Variants in SEMA4B observed in about 807,000 individuals in gnomAD.
SEMA4B encodes semaphorin-4B.
SEMA4B carries 55 observed loss-of-function variants against 88.1 expected under a neutral mutation model. The ratio of observed to expected loss-of-function variants is 0.62; its 90% CI spans 0.50 to 0.78. The LOEUF (loss-of-function observed/expected upper bound fraction) is 0.78, where lower values mean the gene tolerates loss of function less well. Ranked by LOEUF, SEMA4B falls within the 30% of genes least tolerant of loss-of-function variation. The pLI, the probability that SEMA4B is intolerant of heterozygous loss-of-function variation, is 0.00. For synonymous variants in SEMA4B, 525 were observed against 473.6 expected, an observed-to-expected ratio of 1.11 and a Z score of -1.41; for missense variants, 1,062 against 1,111.9, an observed-to-expected ratio of 0.96 and a Z score of 0.64.
chr15:90,196,733 C>T (rs960678716), upstream of SEMA4B, among the ~76,000 whole-genome samples: 16 of 152,044 alleles, frequency 1.1e-4, no homozygotes, highest in African/African-American at 3.4e-4. Flanking sequence ...GTGATCCGCC[C>T]GCCTCAGCCT....
Position 90,228,503 on chromosome 15 carries a change from G to T in SEMA4B, c.2374G>T (p.Asp792Tyr). The T allele has an allele frequency of 6.2e-7, 1 of 1,611,508 alleles. No homozygotes were observed. The highest frequency in any genetic ancestry group is 8.5e-7 in the Non-Finnish European group (1 of 1,179,272). Residue 792 changes from aspartate (D) to tyrosine (Y), a missense_variant, in exon 14 of 14, where the codon GAC becomes TAC. Coordinates refer to ENST00000411539, the MANE Select transcript of SEMA4B (RefSeq NM_198925.4). ...LDHRGYQSLS[D>Y]SPPGSRVFTE... ...TCACCGAGGGTACCAGTCCCTGTCA[G>T]ACAGCCCCCCGGGGTCCCGAGTCTT... is the stretch of plus-strand genomic sequence containing the variant.
At chr15:90,200,404 A>AAGTTGAAGT, upstream of SEMA4B, among the ~76,000 whole-genome samples, 1 of 152,230 alleles carries the variant, frequency 6.6e-6, no homozygotes, top group Non-Finnish European at 1.5e-5. Flanking sequence ...CACTTAGGAA[A>AAGTTGAAGT]AGTTGAAGTA....
At position 90,228,151 on chromosome 15, in the gene SEMA4B, G is replaced by A; in HGVS notation, c.2022G>A (p.Val674=). The A allele has an allele frequency of 6.2e-7, 1 of 1,611,098 alleles. No homozygotes were observed. The highest frequency in any genetic ancestry group is 8.5e-7 in the Non-Finnish European group (1 of 1,178,706). Reference sequence around the variant, plus strand: ...TGGTAGCCAGCTACTGCCCAGAGGTGGTGGAGGACGGGGTGGCAGACCAAA... The same window carrying A: ...TGGTAGCCAGCTACTGCCCAGAGGTAGTGGAGGACGGGGTGGCAGACCAAA... The part of the protein sequence containing the change: ...QQLVASYCPE[V]VEDGVADQTD... The change falls in exon 14 of 14, where the codon GTG becomes GTA. Residue 674 remains valine, a synonymous_variant. Coordinates refer to ENST00000411539, the MANE Select transcript of SEMA4B (RefSeq NM_198925.4).
chr15:90,225,272 C>G lies in SEMA4B; in HGVS notation c.1406-10C>G. On this transcript the variant is annotated splice_polypyrimidine_tract_variant and intron_variant, in intron 10 of 13. Coordinates refer to ENST00000411539, the MANE Select transcript of SEMA4B (RefSeq NM_198925.4). ...CTCCACCCAGGGCCTGAGTCCTGTC[C>G]ACACCCCAGGTGACGGCCGGCTCCA... The G allele has an allele frequency of 6.4e-7, 1 of 1,555,606 alleles. No homozygotes were observed. The highest frequency in any genetic ancestry group is 8.7e-7 in the Non-Finnish European group (1 of 1,149,640).
rs765812568 is a variant in SEMA4B at position 90,228,619 on chromosome 15, G to A, written c.2490G>A (p.Ser830=). The change falls in exon 14 of 14, where the codon TCG becomes TCA. Residue 830 remains serine (S), a synonymous_variant. Coordinates refer to ENST00000411539, the MANE Select transcript of SEMA4B (RefSeq NM_198925.4). ...CCCGGCCCCGGGTCCGCCTTGGCTC[G>A]GAGATCCGTGACTCTGTGGTGTGAG... ...VCPRPRVRLG[S]EIRDSVV is the part of the protein sequence containing the mutation. 7.9e-5 allele frequency: 127 copies of A among 1,613,232 alleles called. 1 individual carries two copies. The Admixed American group carries it at 1.4e-3, about 18-fold the overall frequency.
intron 1 of SEMA4B, among the ~76,000 whole-genome samples, chr15:90,203,977 C>T (rs1004155715): frequency 1.3e-5 from 2 of 149,594 alleles, no homozygotes; most frequent in Non-Finnish European, 3.0e-5. Flanking sequence ...TCCTCCTGGC[C>T]CTCATACCCA....
chr15:90,189,845 C>A (rs1212934146), intron 1 of SEMA4B, among the ~76,000 whole-genome samples: 1 of 152,182 alleles, frequency 6.6e-6, no homozygotes, highest in Admixed American at 6.5e-5. Flanking sequence ...TGAAGCCCAC[C>A]CGTGTGGTGA....
intron 1 of SEMA4B, among the ~76,000 whole-genome samples, chr15:90,189,188 AGAAGT>A (rs1397949451): frequency 5.3e-5 from 8 of 151,930 alleles, no homozygotes; most frequent in Non-Finnish European, 4.4e-5. Flanking sequence ...GGGAGAGGAG[AGAAGT>A]GAAGGAAGGA....
rs912770172 is a variant in SEMA4B at position 90,221,166 on chromosome 15, G to A, written c.595+73G>A. 20 of 1,193,770 alleles carry A rather than the reference G, an allele frequency of 1.7e-5. No individual in the cohort carries two copies. The Admixed American group carries it at 3.6e-4, about 21-fold the overall frequency. 73.9% of individuals were successfully genotyped at this position (1,193,770 alleles called of 1,614,324 possible). A position where few individuals can be genotyped will look rare whatever the true frequency, so the allele number is the denominator to read the frequency against. The stretch of plus-strand genomic sequence containing the variant: ...ACACAGGGCTAGAGGGCTAGCTTTG[G>A]ACAGGCTGAGTCCATGCCATGCTTA... On this transcript the variant is annotated intron_variant, in intron 5 of 13. Coordinates refer to ENST00000411539, the MANE Select transcript of SEMA4B (RefSeq NM_198925.4).
intron 1 of SEMA4B, among the ~76,000 whole-genome samples, chr15:90,209,172 C>CAGG: frequency 6.6e-6 from 1 of 152,172 alleles, no homozygotes; most frequent in South Asian, 2.1e-4. Flanking sequence ...TATGGAACAA[C>CAGG]TGCTGGGAGC....
intron 1 of SEMA4B, among the ~76,000 whole-genome samples, chr15:90,191,301 T>C (rs1960336840): frequency 6.6e-6 from 1 of 152,202 alleles, no homozygotes; most frequent in Non-Finnish European, 1.5e-5. Flanking sequence ...AGTTGCAGCC[T>C]CAGCACCAGC....
chr15:90,186,418 G>C (rs969386870), intron 1 of SEMA4B, among the ~76,000 whole-genome samples: 2 of 146,918 alleles, frequency 1.4e-5, no homozygotes, highest in Non-Finnish European at 3.0e-5. Flanking sequence ...TCAGGAGTTT[G>C]AAACCAGCCT....
At chr15:90,217,328 C>T in intron 1 of SEMA4B, 111 bp from the exon 2 acceptor site, 1 of 1,147,268 alleles carries the variant, frequency 8.7e-7, no homozygotes, top group Non-Finnish European at 1.2e-6. Context: ...GCCATTGCCA[C>T]CCTTTGCCTT....
chr15:90,193,857 T>G (rs535661812), intron 1 of SEMA4B, among the ~76,000 whole-genome samples: 11 of 151,816 alleles, frequency 7.2e-5, no homozygotes, highest in South Asian at 2.1e-4. Context: ...TTTTTTTTTT[T>G]GGGTTGGTCG....
chr15:90,226,456 TCAGCCTCC>T (rs1447725225), intron 12 of SEMA4B, among the ~76,000 whole-genome samples: 1 of 152,182 alleles, frequency 6.6e-6, no homozygotes, highest in Non-Finnish European at 1.5e-5. Flanking sequence ...TTCTCCTGCC[TCAGCCTCC>T]CAAGTAGCAG....
At chr15:90,218,007 C>T in intron 3 of SEMA4B, 178 bp downstream of exon 3, 1 of 576,642 alleles carries the variant, frequency 1.7e-6, no homozygotes, top group South Asian at 2.0e-5. Context: ...ATCGCTACGA[C>T]CTTCGACAAG....
Position 90,204,151 on chromosome 15 carries a change from AGGCTCGT to A in SEMA4B, c.157+2419_157+2425del, listed in dbSNP as rs532694643. 5.3e-3 allele frequency among the ~76,000 whole-genome samples: 811 copies of A among 152,330 alleles called. 13 individuals are homozygous for A. Among genetic ancestry groups the A allele is most frequent in the African/African-American group, 0.019 (779 of 41,580 alleles). ...TCCTGGCAGTGTGCCCATCCTGGGC[AGGCTCGT>A]GGTGACCATGGGACGCCGGGCCCAG... On this transcript the variant is annotated intron_variant, in intron 1 of 13. Coordinates refer to ENST00000411539, the MANE Select transcript of SEMA4B (RefSeq NM_198925.4).
At chr15:90,197,991 A>G (rs1207348038), upstream of SEMA4B, among the ~76,000 whole-genome samples, 4 of 148,604 alleles carry the variant, frequency 2.7e-5, no homozygotes, top group East Asian at 6.0e-4. Flanking sequence ...CAGTGGCGTG[A>G]TCTCGGCTCA....
chr15:90,214,091 C>T (rs59521577), intron 1 of SEMA4B, among the ~76,000 whole-genome samples: 11,573 of 152,264 alleles, frequency 0.076, 1,037 homozygotes, highest in African/African-American at 0.22. Flanking sequence ...CCTATAATCC[C>T]AGCACTTTGG....
Sources: gnomAD v4.1 joint callset for allele counts (sites outside exome capture counted in the v4.1 genomes callset) on GRCh38, gnomAD v4.1.1 for gene constraint, MANE v1.5 for transcripts, NCBI Gene and HGNC (gene_info 2026-07-23, HGNC 2026-07-21) for gene names.